The following SLC35F1 variants were observed in gnomAD, a reference collection of about 807,000 sequenced individuals.
The protein encoded by SLC35F1 is solute carrier family 35 member F1, also known as chromosome 6 open reading frame 169.
A neutral mutation model predicts 48.7 loss-of-function variants in SLC35F1; 14 were observed. The observed-to-expected ratio is 0.29, with a 90% CI of 0.19 to 0.45. The LOEUF is 0.45. Among genes scored for constraint, SLC35F1 ranks in the 20% least tolerant of loss-of-function variants. The pLI, the probability that SLC35F1 is intolerant of heterozygous loss-of-function variation, is 1.00. For missense variants in SLC35F1, 404 were observed against 500.0 expected (o/e 0.81, Z 1.83); for synonymous variants, 190 against 202.2 (o/e 0.94, Z 0.51).
chr6:118,284,519 AAGCCC>A (rs1415688602), intron 6 of SLC35F1, among the ~76,000 whole-genome samples: 6 of 152,178 alleles, frequency 3.9e-5, no homozygotes, highest in Non-Finnish European at 7.4e-5. Flanking sequence ...AAGGTCATGA[AAGCCC>A]ACATGTGAGA....
intron 3 of SLC35F1, among the ~76,000 whole-genome samples, chr6:118,260,018 A>C (rs1339536984): frequency 1.3e-5 from 2 of 152,174 alleles, no homozygotes; most frequent in African/African-American, 4.8e-5. Context: ...TGATATATCC[A>C]TACAGTGCAA....
Position 118,150,397 on chromosome 6 carries a change from T to C in SLC35F1, c.174-4048T>C, listed in dbSNP as rs1282307861. 2.6e-5 allele frequency among the ~76,000 whole-genome samples: 4 copies of C among 152,184 alleles called. No individual in the cohort carries two copies. The East Asian group carries it at 7.7e-4, about 29-fold the overall frequency. ...TAGTGTGTGACATATAGAATGCTAT[T>C]TTATACTATATTGGCGCATATACAT... On this transcript the variant is annotated intron_variant, in intron 1 of 7. Transcript: ENST00000360388.
At chr6:118,120,169 T>C (rs1387500246) in intron 1 of SLC35F1, among the ~76,000 whole-genome samples, 5 of 151,968 alleles carry the variant, frequency 3.3e-5, no homozygotes, top group Admixed American at 3.3e-4. Context: ...GAGAAAAACT[T>C]TTTTTTTAAT....
rs150204340 is a variant in SLC35F1, at chr6:118,116,290, A to G, written c.174-38155A>G. Among the ~76,000 whole-genome samples the G allele has an allele frequency of 6.6e-3, 1,008 of 152,294 alleles. 8 individuals carry two copies. Among genetic ancestry groups the G allele is most frequent in the Middle Eastern group, 0.014 (4 of 294 alleles). ...AGTTATCGGCAGATTTGTTTAGGAA[A>G]GCATACCTAGAGAAGCAGATGACAC... On this transcript the variant is annotated intron_variant, in intron 1 of 7. Transcript: ENST00000360388.
At chr6:118,272,185 G>A (rs1243782019) in intron 4 of SLC35F1, among the ~76,000 whole-genome samples, 6 of 152,160 alleles carry the variant, frequency 3.9e-5, no homozygotes, top group Non-Finnish European at 5.9e-5. Flanking sequence ...GTGAGCCACA[G>A]TCCCTGCCCT....
chr6:117,920,342 G>T (rs1775882063), intron 1 of SLC35F1, among the ~76,000 whole-genome samples: 1 of 152,220 alleles, frequency 6.6e-6, no homozygotes, highest in African/African-American at 2.4e-5. Context: ...TGGAGTAAGA[G>T]CTGGGACGGA....
chr6:118,275,494 G>A lies in SLC35F1; in HGVS notation c.673G>A (p.Gly225Arg), dbSNP rs761024958. ...GCTGGTAGGGGACCTTCTGGTCTTA[G>A]GAGGAGCCACACTCTATGGTATTTC... ...NKLVGDLLVLGGATLYGISNV... is the reference protein window; with the variant it reads ...NKLVGDLLVLRGATLYGISNV... Residue 225 changes from glycine (G) to arginine (R), a missense_variant, in exon 5 of 8, where the codon GGA (glycine) becomes AGA (arginine). Transcript: ENST00000360388. The A allele has an allele frequency of 6.2e-7, 1 of 1,613,732 alleles. No individual in the cohort carries two copies. Among genetic ancestry groups the A allele is most frequent in the Non-Finnish European group, 8.5e-7 (1 of 1,179,802 alleles).
At chr6:118,295,911 G>A (rs1406732610) in intron 7 of SLC35F1, among the ~76,000 whole-genome samples, 3 of 152,164 alleles carry the variant, frequency 2.0e-5, no homozygotes, top group African/African-American at 4.8e-5. Context: ...AGCAATGAGC[G>A]TTTGACTTTG....
chr6:118,268,685 C>T (rs1182038486), intron 4 of SLC35F1, among the ~76,000 whole-genome samples: 3 of 144,654 alleles, frequency 2.1e-5, no homozygotes, highest in South Asian at 4.5e-4. Flanking sequence ...TTTCAGCTCA[C>T]TGCAACCTCC....
chr6:118,045,197 T>A (rs1772283506), intron 1 of SLC35F1, among the ~76,000 whole-genome samples: 1 of 152,176 alleles, frequency 6.6e-6, no homozygotes, highest in Non-Finnish European at 1.5e-5. Flanking sequence ...ATTTTTGCAA[T>A]CTGGGGTTGT....
intron 1 of SLC35F1, among the ~76,000 whole-genome samples, chr6:117,943,996 T>C (rs1776264308): frequency 6.6e-6 from 1 of 152,178 alleles, no homozygotes; most frequent in Non-Finnish European, 1.5e-5. Context: ...AGATCTGATC[T>C]TTTCATGGGG....
chr6:117,917,477 C>T (rs534622252), intron 1 of SLC35F1, among the ~76,000 whole-genome samples: 4 of 151,466 alleles, frequency 2.6e-5, no homozygotes, highest in South Asian at 4.2e-4. Flanking sequence ...TGGAGACAAG[C>T]GGTTGTGATC....
At chr6:118,229,236 T>G (rs1271138419) in intron 2 of SLC35F1, among the ~76,000 whole-genome samples, 1 of 152,168 alleles carries the variant, frequency 6.6e-6, no homozygotes, top group Non-Finnish European at 1.5e-5. Flanking sequence ...ATGAGACTTT[T>G]TAAGCCAAAA....
Position 117,907,487 on chromosome 6 carries a change from C to CG in SLC35F1, c.-238dup. 2 of 248,646 alleles carry CG rather than the reference C, an allele frequency of 8.0e-6. No individual in the cohort carries two copies. Among genetic ancestry groups the CG allele is most frequent in the Non-Finnish European group, 1.5e-5 (2 of 132,502 alleles). 15.4% of individuals were successfully genotyped at this position (248,646 alleles called of 1,614,324 possible). A position where few individuals can be genotyped will look rare whatever the true frequency, so the allele number is the denominator to read the frequency against. On this transcript the variant is annotated 5_prime_UTR_variant, in exon 1 of 8. Transcript: ENST00000360388. ...GCGGCTCGGGAAGAGCCGGGGCGGG[C>CG]GGCGGCGGCGGCGGCACGGGCGCGA...
chr6:117,911,409 CCCTCCCTCCCTCCCTCCCTT>C (rs1775761345), intron 1 of SLC35F1, among the ~76,000 whole-genome samples: 1 of 101,694 alleles, frequency 9.8e-6, no homozygotes, highest in East Asian at 2.9e-4. Context: ...TCCCCTCCCT[CCCTCCCTCCCTCCCTCCCTT>C]CCTTCCTTCC....
chr6:118,051,354 G>C (rs1286167916), intron 1 of SLC35F1, among the ~76,000 whole-genome samples: 1 of 152,112 alleles, frequency 6.6e-6, no homozygotes, highest in Non-Finnish European at 1.5e-5. Flanking sequence ...CAGCTCTCTT[G>C]ACAGCTTTGC....
At chr6:118,009,599 G>C (rs1241600346) in intron 1 of SLC35F1, among the ~76,000 whole-genome samples, 1 of 152,138 alleles carries the variant, frequency 6.6e-6, no homozygotes, top group African/African-American at 2.4e-5. Flanking sequence ...GAGCTAATTA[G>C]AGGCAAGGCA....
rs116508131 is a variant in SLC35F1, at chr6:118,241,236, A to T, written c.477+5600A>T. On this transcript the variant is annotated intron_variant, in intron 3 of 7. Transcript: ENST00000360388. Reference sequence around the variant, plus strand: ...TTTAACAAGAGAGATTTCATTAATAATTGGCAGAGCACCAAATGCTCTTGT... The same window carrying T: ...TTTAACAAGAGAGATTTCATTAATATTTGGCAGAGCACCAAATGCTCTTGT... Among the ~76,000 whole-genome samples the T allele has an allele frequency of 5.2e-3, 789 of 152,328 alleles. 7 individuals carry two copies. The highest frequency in any genetic ancestry group is 0.018 in the African/African-American group (754 of 41,576).
intron 1 of SLC35F1, among the ~76,000 whole-genome samples, chr6:118,138,998 A>T (rs1395498915): frequency 6.7e-6 from 1 of 150,292 alleles, no homozygotes; most frequent in Non-Finnish European, 1.5e-5. Flanking sequence ...ACACACACTC[A>T]AATGGATCAA....
Sources: allele counts gnomAD v4.1 joint callset (sites outside exome capture counted in the v4.1 genomes callset), GRCh38; gene constraint gnomAD v4.1.1; transcripts MANE v1.5; gene names NCBI Gene and HGNC (gene_info 2026-07-23, HGNC 2026-07-21).